The following DPY19L2 variants were observed in gnomAD, a reference collection of about 807,000 sequenced individuals.
DPY19L2 encodes dpy-19 like 2, also known as probable C-mannosyltransferase DPY19L2.
In DPY19L2, 34 loss-of-function variants were observed where a neutral mutation model predicts 97.9. The ratio of observed to expected loss-of-function variants is 0.35; its 90% CI spans 0.26 to 0.46. DPY19L2 has a LOEUF of 0.46. Among genes scored for constraint, DPY19L2 ranks in the 20% least tolerant of loss-of-function variants. The pLI, the probability that DPY19L2 is intolerant of heterozygous loss-of-function variation, is 1.00. For synonymous variants in DPY19L2, 230 were observed against 307.9 expected (o/e 0.75, Z 2.65); for missense variants, 623 against 911.4 (o/e 0.68, Z 4.07).
intron 6 of DPY19L2, among the ~76,000 whole-genome samples, chr12:63,635,038 G>T (rs955978297): frequency 1.3e-5 from 2 of 152,134 alleles, no homozygotes; most frequent in Admixed American, 6.5e-5. Flanking sequence ...CCCCAGTAGG[G>T]GCAGACTGAC....
At chr12:63,649,044 T>C (rs1893820269) in intron 4 of DPY19L2, among the ~76,000 whole-genome samples, 1 of 152,022 alleles carries the variant, frequency 6.6e-6, no homozygotes. Context: ...ACCACATAAT[T>C]ACACGGAATT....
intron 15 of DPY19L2, among the ~76,000 whole-genome samples, chr12:63,595,022 T>C (rs1168365190): frequency 6.6e-6 from 1 of 152,204 alleles, no homozygotes; most frequent in Non-Finnish European, 1.5e-5. Context: ...TCTTCCCACG[T>C]GGTCTGCAGG....
rs1170485959 is a variant in DPY19L2 at position 63,591,085 on chromosome 12, C to G, written c.1580+3002G>C. ...CAGTGTCCAGGGTTCTCCATTCATT[C>G]TTTTTTAGAATGCCAAGACACATTT... On this transcript the variant is annotated intron_variant, in intron 16 of 21. Coordinates refer to ENST00000324472, the MANE Select transcript of DPY19L2 (RefSeq NM_173812.5). The G allele has an allele frequency of 6.6e-6, 3 of 455,916 alleles. No homozygotes were observed. The East Asian group carries it at 2.1e-4, about 32-fold the overall frequency. The allele number at this position is 455,916 out of a possible 1,614,324, so 28.2% of individuals were successfully genotyped here.
At chr12:63,600,887 G>A (rs913139765) in intron 12 of DPY19L2, among the ~76,000 whole-genome samples, 4 of 151,224 alleles carry the variant, frequency 2.6e-5, no homozygotes, top group African/African-American at 4.9e-5. Context: ...CCGGGTTCAC[G>A]GCATTCTCCT....
intron 6 of DPY19L2, among the ~76,000 whole-genome samples, chr12:63,636,601 A>C (rs1024016185): frequency 6.6e-6 from 1 of 152,120 alleles, no homozygotes; most frequent in African/African-American, 2.4e-5. Context: ...GCAAACAGAA[A>C]ACAAAACAAA....
Position 63,579,455 on chromosome 12 carries a change from G to A in DPY19L2, c.1900+1207C>T, listed in dbSNP as rs555549910. 3.4e-4 allele frequency among the ~76,000 whole-genome samples: 52 copies of A among 152,284 alleles called. 2 individuals are homozygous for A. The South Asian group carries it at 8.9e-3, about 26-fold the overall frequency. Reference sequence around the variant, plus strand: ...GGGTAGTTAAAAGGAGAATAAGACAGATTAAAAAGAAGATCAAAGAAGAGG... The same window carrying A: ...GGGTAGTTAAAAGGAGAATAAGACAAATTAAAAAGAAGATCAAAGAAGAGG... On this transcript the variant is annotated intron_variant, in intron 19 of 21. Transcript: ENST00000324472.
At chr12:63,620,910 G>A (rs1888586520) in intron 9 of DPY19L2, among the ~76,000 whole-genome samples, 1 of 152,018 alleles carries the variant, frequency 6.6e-6, no homozygotes, top group Admixed American at 6.6e-5. Context: ...CCTTTGCAGG[G>A]ACATGAATGG....
At chr12:63,636,284 A>G (rs1891676169) in intron 6 of DPY19L2, among the ~76,000 whole-genome samples, 1 of 152,202 alleles carries the variant, frequency 6.6e-6, no homozygotes, top group Non-Finnish European at 1.5e-5. Context: ...GAAGCACTAA[A>G]TATGGAAAGG....
rs770320993 is a variant in DPY19L2 at position 63,594,463 on chromosome 12, T to TTGTGTGTGTGTGTGTGTGTGTG, written c.1534-331_1534-330insCACACACACACACACACACACA. On this transcript the variant is annotated intron_variant, in intron 15 of 21. Coordinates refer to ENST00000324472, the MANE Select transcript of DPY19L2 (RefSeq NM_173812.5). ...GCTGCAGGGATGAGAGAGAGAGAGA[T>TTGTGTGTGTGTGTGTGTGTGTG]AGTGTGTGTGTGTGTGTGTGTGTGT... 8.4e-5 allele frequency among the ~76,000 whole-genome samples: 6 copies of TTGTGTGTGTGTGTGTGTGTGTG among 71,232 alleles called. No homozygotes were observed. The South Asian group carries it at 2.7e-3, about 32-fold the overall frequency. 46.7% of individuals were successfully genotyped at this position (71,232 alleles called of 152,430 possible).
chr12:63,628,401 G>A (rs547568085), intron 6 of DPY19L2, among the ~76,000 whole-genome samples: 2 of 152,082 alleles, frequency 1.3e-5, no homozygotes, highest in African/African-American at 2.4e-5. Context: ...CTTAGCAAAC[G>A]GCACACCAGG....
intron 4 of DPY19L2, among the ~76,000 whole-genome samples, chr12:63,655,460 G>A (rs957323861): frequency 1.3e-5 from 2 of 152,050 alleles, no homozygotes; most frequent in Non-Finnish European, 2.9e-5. Flanking sequence ...CATATTCCAG[G>A]AAGTAGGCAC....
chr12:63,566,352 A>G lies in DPY19L2; in HGVS notation c.2126+2872T>C, dbSNP rs556711455. 3.9e-5 allele frequency among the ~76,000 whole-genome samples: 6 copies of G among 152,238 alleles called. No individual in the cohort carries two copies. The South Asian group carries it at 1.2e-3, about 32-fold the overall frequency. ...ATGGTAACATTTTGAACATTTGTAT[A>G]ATATCACAGCCAGATAATTCACATT... is the stretch of plus-strand genomic sequence containing the variant. On this transcript the variant is annotated intron_variant, in intron 21 of 21. Transcript: ENST00000324472.
intron 1 of DPY19L2, among the ~76,000 whole-genome samples, 155 bp from the exon 2 acceptor site, chr12:63,666,014 A>C (rs1896293981): frequency 6.6e-6 from 1 of 152,200 alleles, no homozygotes; most frequent in African/African-American, 2.4e-5. Flanking sequence ...ATAGGAAAAA[A>C]TCCAGGACAC....
chr12:63,596,427 G>A (rs1884257499), intron 14 of DPY19L2, among the ~76,000 whole-genome samples: 1 of 152,172 alleles, frequency 6.6e-6, no homozygotes, highest in African/African-American at 2.4e-5. Flanking sequence ...GAGCTAACAA[G>A]AAAGAACGCT....
chr12:63,650,850 A>T (rs1894106260), intron 4 of DPY19L2, among the ~76,000 whole-genome samples: 1 of 152,188 alleles, frequency 6.6e-6, no homozygotes, highest in South Asian at 2.1e-4. Flanking sequence ...TCTAAAACTT[A>T]TATGGATACT....
intron 6 of DPY19L2, among the ~76,000 whole-genome samples, chr12:63,629,824 A>G (rs1365281146): frequency 3.3e-5 from 5 of 152,198 alleles, no homozygotes; most frequent in South Asian, 4.1e-4. Flanking sequence ...GAGAAAGGTC[A>G]GGTTACCCAC....
At chr12:63,644,816 A>G (rs1452379302) in intron 5 of DPY19L2, among the ~76,000 whole-genome samples, 1 of 152,078 alleles carries the variant, frequency 6.6e-6, no homozygotes, top group Non-Finnish European at 1.5e-5. Flanking sequence ...CTTTCCTCCA[A>G]TGAATTACTA....
At chr12:63,608,887 T>G (rs968992576) in intron 11 of DPY19L2, among the ~76,000 whole-genome samples, 6 of 152,140 alleles carry the variant, frequency 3.9e-5, no homozygotes, top group Non-Finnish European at 8.8e-5. Flanking sequence ...GTCAAAAAGT[T>G]GCCTCATTAT....
intron 6 of DPY19L2, among the ~76,000 whole-genome samples, chr12:63,628,005 T>A (rs1195349692): frequency 6.6e-6 from 1 of 152,160 alleles, no homozygotes; most frequent in Non-Finnish European, 1.5e-5. Flanking sequence ...AAAGAAAGAA[T>A]GTGTGAGTAG....
Sources: allele counts gnomAD v4.1 joint callset (sites outside exome capture counted in the v4.1 genomes callset), GRCh38; gene constraint gnomAD v4.1.1; transcripts MANE v1.5; gene names NCBI Gene and HGNC (gene_info 2026-07-23, HGNC 2026-07-21).